Variants in ACIN1 observed in about 807,000 individuals in gnomAD.
ACIN1 encodes the protein apoptotic chromatin condensation inducer in the nucleus.
A neutral mutation model predicts 146.6 loss-of-function variants in ACIN1; 16 were observed. That is an observed-to-expected ratio of 0.11 (90% CI 0.07 to 0.17). The LOEUF is 0.17. Among genes scored for constraint, ACIN1 ranks in the 10% least tolerant of loss-of-function variants. The pLI is 1.00. For missense variants in ACIN1, 1,357 were observed against 1,609.3 expected (o/e 0.84, Z 2.68); for synonymous variants, 569 against 582.7 (o/e 0.98, Z 0.34).
intron 2 of ACIN1, among the ~76,000 whole-genome samples, 185 bp from the exon 3 acceptor site, chr14:23,090,818 A>C (rs2048210056): frequency 6.6e-6 from 1 of 152,210 alleles, no homozygotes; most frequent in African/African-American, 2.4e-5. Flanking sequence ...GTCACACACA[A>C]AAAAAGGGCA....
intron 9 of ACIN1, chr14:23,069,075 C>CA: frequency 1.0e-6 from 1 of 990,442 alleles, no homozygotes. Context: ...TGGTGAGAAC[C>CA]ACCAATGTCC....
chr14:23,092,897 T>C (rs1166087957), intron 2 of ACIN1, among the ~76,000 whole-genome samples: 1 of 152,118 alleles, frequency 6.6e-6, no homozygotes, highest in Admixed American at 6.5e-5. Context: ...TATAAACCCA[T>C]GGGTTTAGTC....
At chr14:23,094,889 C>G (rs991609586) in intron 1 of ACIN1, 86 bp downstream of exon 1, 3 of 1,494,440 alleles carry the variant, frequency 2.0e-6, no homozygotes, top group Admixed American at 2.2e-5. Flanking sequence ...TCGCGCCGAG[C>G]CCGGATACTG....
At chr14:23,094,859 C>A (rs1327011859) in intron 1 of ACIN1, 116 bp downstream of exon 1, 1 of 1,393,368 alleles carries the variant, frequency 7.2e-7, no homozygotes, top group Admixed American at 2.6e-5. Context: ...CAGAGGCTCG[C>A]GCTGGCGGCC....
chr14:23,088,547 A>C (rs1237589621), intron 4 of ACIN1, among the ~76,000 whole-genome samples: 1 of 152,188 alleles, frequency 6.6e-6, no homozygotes, highest in Admixed American at 6.5e-5. Context: ...TCAGCCTTTT[A>C]ACTAAAATCA....
In ACIN1 at chr14:23,090,015, T is replaced by C. The variant is rs764770752; in HGVS notation, c.403A>G (p.Arg135Gly). The C allele has an allele frequency of 6.8e-6, 11 of 1,613,102 alleles. No homozygotes were observed. The highest frequency in any genetic ancestry group is 9.3e-6 in the Non-Finnish European group (11 of 1,179,682). The change falls in exon 4 of 19, where the codon AGA (arginine) becomes GGA (glycine). Residue 135 changes from arginine to glycine, a missense_variant. By Grantham distance (125) the Arg-to-Gly change is moderately radical. Transcript: ENST00000605057. ...LPPDFQSSLE[R>G]PELELSRHSP... The stretch of plus-strand genomic sequence containing the variant: ...TGTCTGCTGAGCTCCAGCTCTGGTC[T>C]CTCCAGGCTGCTCTGAAAGTCAGGA...
At position 23,063,491 on chromosome 14, in the gene ACIN1, G is replaced by T; in HGVS notation, c.2682C>A (p.Pro894=). 1 of 1,614,084 alleles carries T rather than the reference G, an allele frequency of 6.2e-7. No homozygotes were observed. Among genetic ancestry groups the T allele is most frequent in the Non-Finnish European group, 8.5e-7 (1 of 1,179,984 alleles). ...GCAAGGCCACCTCTACTGACACCTG[G>T]GGAGGTACAGGAGGTTCTGCTTCAG... ...KEPEAEPPVP[P]QVSVEVALPP... The change falls in exon 13 of 19, where the codon CCC becomes CCA. Residue 894 remains proline, a synonymous_variant. Transcript: ENST00000605057.
chr14:23,064,614 G>A, intron 10 of ACIN1, 126 bp from the exon 11 acceptor site: 1 of 1,372,204 alleles, frequency 7.3e-7, no homozygotes, highest in Admixed American at 2.2e-5. Context: ...AATCATATTT[G>A]GAGGCTGAGT....
chr14:23,071,574 G>T, intron 8 of ACIN1: 1 of 1,545,298 alleles, frequency 6.5e-7, no homozygotes, highest in Non-Finnish European at 8.7e-7. Flanking sequence ...TTACCCAGCA[G>T]CCTGTGTGTG....
intron 2 of ACIN1, among the ~76,000 whole-genome samples, chr14:23,091,069 T>A (rs1302208037): frequency 1.3e-5 from 2 of 152,066 alleles, no homozygotes; most frequent in African/African-American, 2.4e-5. Context: ...CACACTCGGC[T>A]GATTTTTGTA....
rs368064540 is a variant in ACIN1, at chr14:23,081,771, T to C, written c.502A>G (p.Arg168Gly). 17 of 1,613,178 alleles carry C rather than the reference T, an allele frequency of 1.1e-5. No individual in the cohort carries two copies. The highest frequency in any genetic ancestry group is 1.3e-5 in the African/African-American group (1 of 74,926). ...SDDEKPRKGERRSSRVRQARA... is the reference protein window; with the variant it reads ...SDDEKPRKGEGRSSRVRQARA... ...ACCTGTCTGACCCTAGATGATCGTC[T>C]TTCTCCTTTCCTTGGTTTCTCATCA... The change falls in exon 5 of 19, where the codon AGA becomes GGA. Residue 168 changes from arginine to glycine, a missense_variant. Arg to Gly is a moderately radical substitution (Grantham distance 125). Transcript: ENST00000605057.
At chr14:23,071,032 G>GA in intron 8 of ACIN1, 1 of 1,402,914 alleles carries the variant, frequency 7.1e-7, no homozygotes. Context: ...AAACCAAAAC[G>GA]AAAGACGGAA....
chr14:23,071,026 C>T, intron 8 of ACIN1: 1 of 1,392,578 alleles, frequency 7.2e-7, no homozygotes, highest in Non-Finnish European at 9.9e-7. Flanking sequence ...GAAAACAAAC[C>T]AAAACGAAAG....
intron 12 of ACIN1, 86 bp downstream of exon 12, chr14:23,064,019 C>G (rs2047374120): frequency 1.1e-5 from 17 of 1,562,440 alleles, no homozygotes; most frequent in Non-Finnish European, 1.5e-5. Flanking sequence ...AAGTTCCCTC[C>G]AAAGACTTTA....
At chr14:23,082,588 G>A (rs536912172) in intron 4 of ACIN1, among the ~76,000 whole-genome samples, 9 of 152,106 alleles carry the variant, frequency 5.9e-5, no homozygotes, top group Middle Eastern at 3.4e-3. Flanking sequence ...GGGATTACAG[G>A]TGCCCACCAC....
chr14:23,080,187 A>C lies in ACIN1; in HGVS notation c.1148T>G (p.Met383Arg), dbSNP rs1394397428. ...GAGGACAGCGGGGGCTGGGCCTTCC[A>C]TGGGCTCTATTTCTTCTTCGCTATG... ...QLHSEEEIEP[M>R]EGPAPAVLIQ... Residue 383 changes from methionine (M) to arginine (R), a missense_variant, in exon 6 of 19, where the codon ATG (methionine) becomes AGG (arginine). Physicochemically the swap from Met to Arg is moderately conservative, Grantham distance 91 (BLOSUM62 -1). Coordinates refer to ENST00000605057, the MANE Select transcript of ACIN1 (RefSeq NM_001386863.1). 6.2e-7 allele frequency: 1 copy of C among 1,614,140 alleles called. No homozygotes were observed. The highest frequency in any genetic ancestry group is 2.2e-5 in the East Asian group (1 of 44,874).
chr14:23,062,546 AG>A (rs1309268744), intron 14 of ACIN1, 23 bp from the exon 15 acceptor site: 2 of 1,604,476 alleles, frequency 1.2e-6, no homozygotes, highest in South Asian at 2.2e-5. Flanking sequence ...ATAGACTTTC[AG>A]GGTCTAGCAG....
chr14:23,068,756 G>A lies in ACIN1; in HGVS notation c.2265+720C>T, dbSNP rs887250729. 6 of 985,202 alleles carry A rather than the reference G, an allele frequency of 6.1e-6. No homozygotes were observed. The highest frequency in any genetic ancestry group is 3.5e-5 in the African/African-American group (2 of 57,148). 61.0% of individuals were successfully genotyped at this position (985,202 alleles called of 1,614,324 possible). The stretch of plus-strand genomic sequence containing the variant: ...ATCACTTTCACCGGCCCCCACCCCC[G>A]CAACACACACCAGAAAAAGGCTACA... On this transcript the variant is annotated intron_variant, in intron 9 of 18. Transcript: ENST00000605057. This position sits in a 1 kb window ranked among gnomAD's most constrained non-coding sequence, Gnocchi z 4.3.
intron 2 of ACIN1, among the ~76,000 whole-genome samples, chr14:23,091,626 A>ATT (rs149184878): frequency 1.9e-4 from 26 of 137,932 alleles, no homozygotes; most frequent in African/African-American, 2.2e-4. Flanking sequence ...TCCAGGAAAC[A>ATT]TTTTTTTTTT....
Sources: gnomAD v4.1 joint callset for allele counts (sites outside exome capture counted in the v4.1 genomes callset) on GRCh38, gnomAD v4.1.1 for gene constraint, Gnocchi (gnomAD v3.1) non-coding constraint, MANE v1.5 for transcripts, NCBI Gene and HGNC (gene_info 2026-07-23, HGNC 2026-07-21) for gene names.